Variants in AFF2 observed in about 807,000 individuals in gnomAD.
AFF2 encodes the protein ALF transcription elongation factor 2, also known as AF4/FMR2 family member 2.
Under a neutral mutation model 76.9 loss-of-function variants are expected in AFF2, and 14 were observed. The ratio of observed to expected loss-of-function variants is 0.18; its 90% CI spans 0.12 to 0.28. The LOEUF is 0.28. Among genes scored for constraint, AFF2 ranks in the 10% least tolerant of loss-of-function variants. The pLI, the probability that AFF2 is intolerant of heterozygous loss-of-function variation, is 1.00. For synonymous variants in AFF2, 398 were observed against 366.7 expected, an observed-to-expected ratio of 1.09 and a Z score of -0.98; for missense variants, 868 against 1,001.1, an observed-to-expected ratio of 0.87 and a Z score of 1.79.
At chrX:148,818,419 C>A (rs1487614767) in intron 4 of AFF2, among the ~76,000 whole-genome samples, 2 of 111,185 alleles carry the variant, frequency 1.8e-5, no homozygotes, top group Admixed American at 9.6e-5. Context: ...ATGAGAGATG[C>A]CAAAGAATAC....
intron 19 of AFF2, among the ~76,000 whole-genome samples, chrX:148,985,194 A>T (rs1042783171): frequency 9.8e-6 from 1 of 102,411 alleles, no homozygotes; most frequent in Non-Finnish European, 2.0e-5. Context: ...CATGTTGGCC[A>T]GGCTGGTTTT....
At chrX:148,539,121 C>T (rs1234425686) in intron 1 of AFF2, among the ~76,000 whole-genome samples, 1 of 111,678 alleles carries the variant, frequency 9.0e-6, no homozygotes, top group South Asian at 3.7e-4. Context: ...ATTTTTCTTA[C>T]ATTTTGGGCA....
intron 9 of AFF2, among the ~76,000 whole-genome samples, chrX:148,921,095 G>A (rs1369181370): frequency 1.8e-5 from 2 of 111,301 alleles, no homozygotes; most frequent in Admixed American, 1.9e-4. Flanking sequence ...CAGGTAAATT[G>A]AGCTAAAAAG....
intron 1 of AFF2, among the ~76,000 whole-genome samples, chrX:148,510,050 C>T (rs1336105807): frequency 1.8e-5 from 2 of 111,536 alleles, no homozygotes; most frequent in African/African-American, 6.5e-5. Flanking sequence ...CTGCTTTCTC[C>T]CTTCCCCAAC....
intron 1 of AFF2, among the ~76,000 whole-genome samples, chrX:148,587,511 G>A (rs1186345184): frequency 8.9e-6 from 1 of 111,909 alleles, no homozygotes; most frequent in Non-Finnish European, 1.9e-5. Flanking sequence ...ATGGCTTAAG[G>A]GGCTAATAAC....
At chrX:148,888,036 G>A (rs1269263498) in intron 8 of AFF2, among the ~76,000 whole-genome samples, 1 of 111,272 alleles carries the variant, frequency 9.0e-6, no homozygotes, top group Non-Finnish European at 1.9e-5. Context: ...TTTTTATTGC[G>A]GCAAAATTCG....
intron 9 of AFF2, among the ~76,000 whole-genome samples, chrX:148,928,981 T>A: frequency 8.9e-6 from 1 of 112,144 alleles, no homozygotes; most frequent in Non-Finnish European, 1.9e-5. Context: ...CTTCATTTGA[T>A]GAGTCAGTTG....
chrX:148,962,018 G>A (rs782571170), intron 12 of AFF2, among the ~76,000 whole-genome samples: 5 of 112,375 alleles, frequency 4.4e-5, no homozygotes, highest in Non-Finnish European at 7.5e-5. Flanking sequence ...TTGAAAGCAC[G>A]GGAGTACTTT....
intron 3 of AFF2, among the ~76,000 whole-genome samples, chrX:148,773,736 AAGAAAGAAAG>A (rs2069630711): frequency 9.3e-6 from 1 of 107,357 alleles, no homozygotes; most frequent in Non-Finnish European, 1.9e-5. Flanking sequence ...GAAAGAAAGA[AAGAAAGAAAG>A]AGAAAGAAAG....
chrX:148,929,870 G>T (rs180783306), intron 9 of AFF2, among the ~76,000 whole-genome samples: 1,565 of 111,776 alleles, frequency 0.014, 24 homozygotes, highest in Non-Finnish European at 0.018. Context: ...AAGTCGGTGG[G>T]CATCCACTAC....
At chrX:148,749,786 A>T (rs191820944) in intron 3 of AFF2, among the ~76,000 whole-genome samples, 5 of 110,959 alleles carry the variant, frequency 4.5e-5, no homozygotes, top group African/African-American at 1.6e-4. Flanking sequence ...TTTACAGATG[A>T]TGAAACTGAG....
chrX:148,660,125 T>C (rs1251599810), intron 2 of AFF2, among the ~76,000 whole-genome samples: 1 of 112,305 alleles, frequency 8.9e-6, no homozygotes, highest in Non-Finnish European at 1.9e-5. Flanking sequence ...TAGCATACTT[T>C]TCCTTAATCT....
At chrX:148,636,287 C>T (rs782597140) in intron 1 of AFF2, among the ~76,000 whole-genome samples, 49 of 111,838 alleles carry the variant, frequency 4.4e-4, no homozygotes, top group African/African-American at 1.5e-3. Context: ...GTTAAACTTC[C>T]AATATTACTT....
At chrX:148,619,567 T>G (rs138686520) in intron 1 of AFF2, among the ~76,000 whole-genome samples, 1,191 of 112,157 alleles carry the variant, frequency 0.011, 9 homozygotes, top group Non-Finnish European at 0.017. Flanking sequence ...TGGTAAGATG[T>G]CCAGAAGATG....
chrX:148,669,490 G>A (rs1248782133), intron 3 of AFF2, among the ~76,000 whole-genome samples: 1 of 111,983 alleles, frequency 8.9e-6, no homozygotes, highest in African/African-American at 3.3e-5. Context: ...GTTCCATGTG[G>A]CTGGGGAGGC....
chrX:148,591,973 T>TAAGAC (rs2053526234), intron 1 of AFF2, among the ~76,000 whole-genome samples: 2 of 112,107 alleles, frequency 1.8e-5, no homozygotes, highest in African/African-American at 6.5e-5. Context: ...TAGCTCTGCC[T>TAAGAC]AAGACAAACT....
intron 8 of AFF2, among the ~76,000 whole-genome samples, chrX:148,889,568 G>T (rs2071199199): frequency 8.9e-6 from 1 of 112,120 alleles, no homozygotes; most frequent in Non-Finnish European, 1.9e-5. Context: ...CTTCAATGAA[G>T]ACACGATAGT....
intron 3 of AFF2, among the ~76,000 whole-genome samples, chrX:148,750,026 G>A (rs2055477731): frequency 9.2e-6 from 1 of 108,875 alleles, no homozygotes; most frequent in Admixed American, 9.9e-5. Context: ...GGAGTGCAAT[G>A]GTGAAGTCTC....
At chrX:148,549,852 T>C (rs1236700463) in intron 1 of AFF2, among the ~76,000 whole-genome samples, 2 of 112,470 alleles carry the variant, frequency 1.8e-5, no homozygotes, top group Non-Finnish European at 3.7e-5. Context: ...AGGAGGCTGC[T>C]ACCTTTCACT....
Sources: gnomAD v4.1 joint callset for allele counts (sites outside exome capture counted in the v4.1 genomes callset) on GRCh38, gnomAD v4.1.1 for gene constraint, MANE v1.5 for transcripts, NCBI Gene and HGNC (gene_info 2026-07-23, HGNC 2026-07-21) for gene names.